The following CDH12 variants were observed in gnomAD, a reference collection of about 807,000 sequenced individuals.
The protein encoded by CDH12 is cadherin 12.
CDH12 carries 41 observed loss-of-function variants against 74.1 expected under a neutral mutation model. That is an observed-to-expected ratio of 0.55 (90% CI 0.43 to 0.72). The LOEUF is 0.72. Among genes scored for constraint, CDH12 ranks in the 30% least tolerant of loss-of-function variants. The pLI is 0.00. For missense variants in CDH12, 945 were observed against 977.2 expected (o/e 0.97, Z 0.44); for synonymous variants, 399 against 355.0 (o/e 1.12, Z -1.39).
At chr5:21,841,673 C>G (rs988509003) in intron 8 of CDH12, among the ~76,000 whole-genome samples, 1 of 151,840 alleles carries the variant, frequency 6.6e-6, no homozygotes, top group African/African-American at 2.4e-5. Flanking sequence ...GAATACTATG[C>G]AGCCATAAAA....
At chr5:22,696,178 C>G (rs571238762) in intron 1 of CDH12, among the ~76,000 whole-genome samples, 67 of 152,014 alleles carry the variant, frequency 4.4e-4, no homozygotes, top group African/African-American at 1.6e-3. Flanking sequence ...ACCATCCTGG[C>G]TAACACAATG....
intron 3 of CDH12, among the ~76,000 whole-genome samples, chr5:22,255,970 T>C (rs1287491390): frequency 6.6e-6 from 1 of 152,064 alleles, no homozygotes; most frequent in Non-Finnish European, 1.5e-5. Context: ...TATTTTGCAG[T>C]ATACTAGGCA....
intron 7 of CDH12, among the ~76,000 whole-genome samples, chr5:21,848,035 G>T (rs1469353283): frequency 6.6e-6 from 1 of 152,046 alleles, no homozygotes; most frequent in Non-Finnish European, 1.5e-5. Context: ...AGTGCATAAT[G>T]CTAGCTGAGG....
intron 6 of CDH12, among the ~76,000 whole-genome samples, chr5:21,974,509 T>C (rs1756979808): frequency 6.6e-6 from 1 of 152,280 alleles, no homozygotes; most frequent in African/African-American, 2.4e-5. Context: ...ATTGTAATTG[T>C]AATTTGTTAA....
At chr5:22,252,664 C>T (rs1300129668) in intron 3 of CDH12, among the ~76,000 whole-genome samples, 1 of 152,018 alleles carries the variant, frequency 6.6e-6, no homozygotes, top group Non-Finnish European at 1.5e-5. Context: ...ATCAGTACCT[C>T]TTCAAGATTA....
chr5:22,020,452 GC>G (rs1737898544), intron 5 of CDH12, among the ~76,000 whole-genome samples: 1 of 151,912 alleles, frequency 6.6e-6, no homozygotes, highest in Admixed American at 6.6e-5. Flanking sequence ...TACTCGGGGG[GC>G]TGAGGCAGGG....
intron 3 of CDH12, among the ~76,000 whole-genome samples, chr5:22,268,896 C>G (rs1266085176): frequency 6.6e-6 from 1 of 151,980 alleles, no homozygotes; most frequent in African/African-American, 2.4e-5. Context: ...AATAAAAGTT[C>G]TATGAGGAGT....
chr5:21,861,153 C>A (rs1160289728), intron 6 of CDH12, among the ~76,000 whole-genome samples: 1 of 151,874 alleles, frequency 6.6e-6, no homozygotes, highest in East Asian at 1.9e-4. Flanking sequence ...TCATGTATGA[C>A]TTTTTAAGCC....
chr5:22,666,871 C>G (rs960311824), intron 1 of CDH12, among the ~76,000 whole-genome samples: 2 of 152,142 alleles, frequency 1.3e-5, no homozygotes, highest in Non-Finnish European at 1.5e-5. Context: ...GTGGTTTTCT[C>G]TAGTTCTTAA....
intron 3 of CDH12, among the ~76,000 whole-genome samples, chr5:22,356,970 A>T (rs1293567744): frequency 6.6e-6 from 1 of 152,130 alleles, no homozygotes; most frequent in Non-Finnish European, 1.5e-5. Flanking sequence ...TAATTAGAAG[A>T]CTGGTTGAAT....
At chr5:22,156,492 C>T (rs1035562404) in intron 4 of CDH12, among the ~76,000 whole-genome samples, 2 of 151,796 alleles carry the variant, frequency 1.3e-5, no homozygotes, top group African/African-American at 4.8e-5. Flanking sequence ...TATGTAAAAT[C>T]GTATATACAT....
At chr5:22,023,931 C>A (rs1177977626) in intron 5 of CDH12, among the ~76,000 whole-genome samples, 1 of 152,072 alleles carries the variant, frequency 6.6e-6, no homozygotes, top group African/African-American at 2.4e-5. Flanking sequence ...TGTGGAAGAT[C>A]AGGTGACAGA....
chr5:22,267,071 G>A (rs1344999162), intron 3 of CDH12, among the ~76,000 whole-genome samples: 1 of 152,090 alleles, frequency 6.6e-6, no homozygotes, highest in Non-Finnish European at 1.5e-5. Context: ...CTTTGGAAAT[G>A]TTAATCAATT....
intron 1 of CDH12, among the ~76,000 whole-genome samples, chr5:22,508,375 GA>G (rs1398804243): frequency 2.6e-5 from 4 of 152,152 alleles, no homozygotes; most frequent in Non-Finnish European, 5.9e-5. Context: ...AGACAAGGAA[GA>G]AAATCAAAAT....
intron 6 of CDH12, among the ~76,000 whole-genome samples, chr5:21,916,685 TGGTGGATTGAAGAAAAAAGG>T (rs1305550599): frequency 2.6e-5 from 4 of 152,082 alleles, no homozygotes; most frequent in Non-Finnish European, 2.9e-5. Flanking sequence ...CTGGAGTGGC[TGGTGGATTGAAGAAAAAAGG>T]CCAAGTTTGA....
At chr5:21,979,124 C>G (rs1373766711) in intron 5 of CDH12, among the ~76,000 whole-genome samples, 1 of 152,184 alleles carries the variant, frequency 6.6e-6, no homozygotes, top group Non-Finnish European at 1.5e-5. Flanking sequence ...AATAATTCCA[C>G]AAAAATAATT....
At chr5:22,623,254 T>C (rs1233874181) in intron 1 of CDH12, among the ~76,000 whole-genome samples, 3 of 152,166 alleles carry the variant, frequency 2.0e-5, no homozygotes, top group Non-Finnish European at 1.5e-5. Flanking sequence ...CTTTGAAAAC[T>C]GGCACAAGAC....
At chr5:22,687,173 A>G (rs1444603330) in intron 1 of CDH12, among the ~76,000 whole-genome samples, 1 of 152,146 alleles carries the variant, frequency 6.6e-6, no homozygotes, top group Non-Finnish European at 1.5e-5. Context: ...CTGTGCCTGT[A>G]ATCCCAGCCT....
intron 5 of CDH12, among the ~76,000 whole-genome samples, chr5:21,984,088 A>G (rs376893825): frequency 3.3e-5 from 5 of 152,262 alleles, no homozygotes; most frequent in Non-Finnish European, 2.9e-5. Context: ...AATACCTGAT[A>G]ACTCTGAGTT....
Sources: allele counts gnomAD v4.1 joint callset (sites outside exome capture counted in the v4.1 genomes callset), GRCh38; gene constraint gnomAD v4.1.1; transcripts MANE v1.5; gene names NCBI Gene and HGNC (gene_info 2026-07-23, HGNC 2026-07-21).